OFD1: variants seen among roughly 807,000 people sequenced by gnomAD.
OFD1 encodes the protein OFD1 centriole and centriolar satellite protein.
A neutral mutation model predicts 81.4 loss-of-function variants in OFD1; 12 were observed. The ratio of observed to expected loss-of-function variants is 0.15; its 90% CI spans 0.09 to 0.24. The LOEUF (loss-of-function observed/expected upper bound fraction) is 0.24. OFD1 is among the 10% of genes least tolerant of loss of function. The probability of loss-of-function intolerance (pLI) is 1.00; values close to 1 mark genes in which losing one functional copy is unlikely to be tolerated. For missense variants in OFD1, 685 were observed against 733.9 expected (o/e 0.93, Z 0.77); for synonymous variants, 256 against 263.7 (o/e 0.97, Z 0.28).
upstream of OFD1, among the ~76,000 whole-genome samples, chrX:13,733,200 C>G (rs374544604): frequency 9.1e-6 from 1 of 110,430 alleles, no homozygotes; most frequent in African/African-American, 3.3e-5. Flanking sequence ...TACAACATAT[C>G]AACATCTTTT....
chrX:13,740,724 C>T (rs1441178429), intron 5 of OFD1, among the ~76,000 whole-genome samples: 2 of 105,661 alleles, frequency 1.9e-5, no homozygotes, highest in Non-Finnish European at 3.9e-5. Context: ...ACCAGAGAGG[C>T]GAAGGTTGCG....
intron 13 of OFD1, 47 bp from the exon 14 acceptor site, chrX:13,757,608 AAACTT>A (rs2047757984): frequency 8.5e-7 from 1 of 1,174,367 alleles, no homozygotes; most frequent in East Asian, 3.0e-5. Context: ...TTAAATAAGA[AAACTT>A]AAGGTTGGTA....
chrX:13,719,601 T>G, the OFD1 span, among the ~76,000 whole-genome samples: 1 of 112,029 alleles, frequency 8.9e-6, no homozygotes, highest in African/African-American at 3.3e-5. Flanking sequence ...GAACTATGTC[T>G]TTATGTGCTT....
At chrX:13,737,348 C>G (rs2046911411) in intron 3 of OFD1, among the ~76,000 whole-genome samples, 1 of 106,239 alleles carries the variant, frequency 9.4e-6, no homozygotes, top group Non-Finnish European at 1.9e-5. Context: ...AAGGCAGATA[C>G]AGCAGACTTT....
intron 21 of OFD1, 115 bp downstream of exon 21, chrX:13,768,339 A>AT: frequency 1.6e-6 from 1 of 610,344 alleles, no homozygotes; most frequent in Non-Finnish European, 2.8e-6. Context: ...GGTGAAAAGT[A>AT]TAGAAAATCC....
At chrX:13,720,028 A>G in the OFD1 span, 1 of 879,111 alleles carries the variant, frequency 1.1e-6, no homozygotes, top group African/African-American at 2.0e-5. Flanking sequence ...TCAATCTTCA[A>G]ATTAAAAAAT....
At chrX:13,729,807 C>G (rs1335581366), upstream of OFD1, among the ~76,000 whole-genome samples, 1 of 111,534 alleles carries the variant, frequency 9.0e-6, no homozygotes, top group East Asian at 2.8e-4. Flanking sequence ...ACTCGGGAGG[C>G]AGAAGCAGAA....
In OFD1 at chrX:13,756,619, A is replaced by G. The variant is rs1395800175; in HGVS notation, c.1263A>G (p.Thr421=). The G allele has an allele frequency of 1.7e-6, 2 of 1,204,216 alleles. No homozygotes were observed. Among genetic ancestry groups the G allele is most frequent in the Non-Finnish European group, 2.2e-6 (2 of 892,724 alleles). Reference sequence around the variant, plus strand: ...TCAAAGCCCAGTCTTTGGCAATAACAAAACAAAACCATATGCTGAATGAAA... The same window carrying G: ...TCAAAGCCCAGTCTTTGGCAATAACGAAACAAAACCATATGCTGAATGAAA... ...ESVKAQSLAI[T]KQNHMLNEKV... Residue 421 remains threonine (T), a synonymous_variant, in exon 13 of 23, where the codon ACA becomes ACG. Transcript: ENST00000340096.
At chrX:13,734,714 A>C, upstream of OFD1, 7 of 986,477 alleles carry the variant, frequency 7.1e-6, no homozygotes, top group Non-Finnish European at 8.9e-6. Context: ...CAGCTCGGGA[A>C]GGCTATATTT....
In OFD1 at chrX:13,753,447, G is replaced by A. The variant is rs766917185; in HGVS notation, c.1129+6G>A. On this transcript the variant is annotated splice_donor_region_variant and intron_variant, in intron 11 of 22. Transcript: ENST00000340096. The stretch of plus-strand genomic sequence containing the variant: ...AGATGAAAGGAAGAATAAAGGTGAT[G>A]TTTGGGGGGAAAATAAGCTGTATTT... 1 of 1,208,413 alleles carries A rather than the reference G, an allele frequency of 8.3e-7. No homozygotes were observed. The highest frequency in any genetic ancestry group is 1.1e-6 in the Non-Finnish European group (1 of 892,597).
chrX:13,736,327 A>G, intron 2 of OFD1, 151 bp from the exon 3 acceptor site: 2 of 1,090,922 alleles, frequency 1.8e-6, no homozygotes, highest in South Asian at 2.2e-5. Context: ...GAAGGTTTCT[A>G]ACTTCTGGCC....
chrX:13,761,170 C>T lies in OFD1; in HGVS notation c.2346C>T (p.Leu782=), dbSNP rs760171718. The T allele has an allele frequency of 3.3e-6, 4 of 1,211,021 alleles. No homozygotes were observed. The South Asian group carries it at 7.0e-5, about 21-fold the overall frequency. ...LPSPTESRHS[L]SIPPVSSPPE... is the part of the protein sequence containing the mutation. ...CACCCACTGAGTCTAGGCACAGCCT[C>T]TCCATCCCTCCTGTCTCCAGCCCTC... The change falls in exon 17 of 23, where the codon CTC becomes CTT. Residue 782 remains leucine (L), a synonymous_variant. Coordinates refer to ENST00000340096, the MANE Select transcript of OFD1 (RefSeq NM_003611.3).
intron 21 of OFD1, 26 bp downstream of exon 21, chrX:13,768,250 CTG>C: frequency 1.8e-6 from 2 of 1,116,535 alleles, no homozygotes; most frequent in Non-Finnish European, 2.5e-6. Context: ...GCAGGGCAAT[CTG>C]TGGGTGGGGG....
Position 13,760,162 on chromosome X carries a change from C to G in OFD1, c.1702C>G (p.Arg568Gly). The G allele has an allele frequency of 8.3e-7, 1 of 1,211,534 alleles. No homozygotes were observed. The highest frequency in any genetic ancestry group is 1.1e-6 in the Non-Finnish European group (1 of 895,191). Residue 568 changes from arginine (R) to glycine (G), a missense_variant, in exon 16 of 23, where the codon CGT becomes GGT. Arg to Gly is a moderately radical substitution (Grantham distance 125, BLOSUM62 -2). Around this residue, in one of 3 missense-constraint regions of OFD1, gnomAD observed 414 missense variants for 447.2 expected, o/e 0.93. Transcript: ENST00000340096. ...CAATCCAAAGCAGTCTGTGATCGAT[C>G]GTTCTGTCAATGGATTAATAAATGG... ...YCNPKQSVID[R>G]SVNGLINGNV...
chrX:13,719,892 T>C, the OFD1 span: 1 of 1,200,442 alleles, frequency 8.3e-7, no homozygotes, highest in East Asian at 3.0e-5. Flanking sequence ...CCTTCCCAGC[T>C]GGCAAAAACT....
Position 13,735,068 on chromosome X carries a change from C to A in OFD1, c.-4C>A, listed in dbSNP as rs199758564. On this transcript the variant is annotated 5_prime_UTR_variant, in exon 1 of 23. Coordinates refer to ENST00000340096, the MANE Select transcript of OFD1 (RefSeq NM_003611.3). ...AGGCGGGCTCCGGAGGGAGCTGACG[C>A]CTGATGATGGCGCAGGTAGACACAC... 2 of 1,194,316 alleles carry A rather than the reference C, an allele frequency of 1.7e-6. No homozygotes were observed. The highest frequency in any genetic ancestry group is 2.2e-6 in the Non-Finnish European group (2 of 890,103).
chrX:13,717,243 C>T, the OFD1 span, among the ~76,000 whole-genome samples: 1 of 110,129 alleles, frequency 9.1e-6, no homozygotes, highest in African/African-American at 3.3e-5. Flanking sequence ...GACAGCGGGA[C>T]CTAGGAGTAG....
chrX:13,719,966 T>A, the OFD1 span: 1 of 1,174,041 alleles, frequency 8.5e-7, no homozygotes, highest in East Asian at 3.0e-5. Context: ...CCAGACATGG[T>A]CTTCAATATA....
chrX:13,755,270 A>T lies in OFD1; in HGVS notation c.1221+28A>T, dbSNP rs1233213336. The T allele has an allele frequency of 2.9e-6, 3 of 1,036,050 alleles. No homozygotes were observed. The East Asian group carries it at 9.1e-5, about 31-fold the overall frequency. The allele number at this position is 1,036,050 out of a possible 1,213,427, so 85.4% of individuals were successfully genotyped here. A position where few individuals can be genotyped will look rare whatever the true frequency, so the allele number is the denominator to read the frequency against. ...AATTGTTAAGCATGTTGGTTTTTGAAATAGATTTTAAGCAATATATGAAAT... is the reference window on the plus strand; with the variant it reads ...AATTGTTAAGCATGTTGGTTTTTGATATAGATTTTAAGCAATATATGAAAT... On this transcript the variant is annotated intron_variant, in intron 12 of 22. Transcript: ENST00000340096.
Sources: gnomAD v4.1 joint callset for allele counts (sites outside exome capture counted in the v4.1 genomes callset) on GRCh38, gnomAD v4.1.1 for gene constraint, gnomAD v4.1.1 regional missense constraint, MANE v1.5 for transcripts, NCBI Gene and HGNC (gene_info 2026-07-23, HGNC 2026-07-21) for gene names.